Variants in TMPRSS11F observed in about 807,000 individuals in gnomAD.
The protein encoded by TMPRSS11F is transmembrane protease serine 11F.
Under a neutral mutation model 60.2 loss-of-function variants are expected in TMPRSS11F, and 47 were observed. The ratio of observed to expected loss-of-function variants is 0.78; its 90% CI spans 0.62 to 1.00. TMPRSS11F has a LOEUF of 1.00. TMPRSS11F is among the 50% of genes least tolerant of loss of function. TMPRSS11F has a pLI of 0.00. For missense variants in TMPRSS11F, 519 were observed against 522.9 expected (o/e 0.99, Z 0.07); for synonymous variants, 166 against 167.3 (o/e 0.99, Z 0.06).
intron 3 of TMPRSS11F, among the ~76,000 whole-genome samples, chr4:68,090,119 G>T (rs1189565255): frequency 6.6e-6 from 1 of 151,976 alleles, no homozygotes; most frequent in Non-Finnish European, 1.5e-5. Flanking sequence ...AAGAATTATA[G>T]CTATACCACG....
intron 3 of TMPRSS11F, among the ~76,000 whole-genome samples, chr4:68,090,234 G>T (rs190671653): frequency 6.6e-6 from 1 of 151,818 alleles, no homozygotes; most frequent in Admixed American, 6.6e-5. Flanking sequence ...AAAATGAATC[G>T]AAAACGATAA....
intron 2 of TMPRSS11F, among the ~76,000 whole-genome samples, chr4:68,094,359 T>C (rs1163318634): frequency 3.1e-5 from 4 of 127,948 alleles, no homozygotes; most frequent in Non-Finnish European, 6.4e-5. Context: ...TGAGAACACA[T>C]GGACACAAGA....
At chr4:68,116,403 T>TA (rs1175120427) in intron 1 of TMPRSS11F, among the ~76,000 whole-genome samples, 1 of 152,072 alleles carries the variant, frequency 6.6e-6, no homozygotes, top group Non-Finnish European at 1.5e-5. Context: ...TGAATATTGT[T>TA]AAAATGCCCA....
intron 5 of TMPRSS11F, 76 bp from the exon 6 acceptor site, chr4:68,070,083 T>C: frequency 2.4e-6 from 3 of 1,225,710 alleles, no homozygotes; most frequent in Non-Finnish European, 3.5e-6. Flanking sequence ...CAACTGGTCA[T>C]TAATAGAAAT....
chr4:68,109,234 T>C (rs551483242), intron 1 of TMPRSS11F, among the ~76,000 whole-genome samples: 2 of 152,060 alleles, frequency 1.3e-5, no homozygotes, highest in African/African-American at 4.8e-5. Context: ...TATTCTCTAG[T>C]GAACAAAAGA....
At chr4:68,057,262 G>C (rs1018008439) in intron 9 of TMPRSS11F, among the ~76,000 whole-genome samples, 31 of 143,876 alleles carry the variant, frequency 2.2e-4, no homozygotes, top group African/African-American at 8.0e-4. Flanking sequence ...TCCAGCCTGA[G>C]TGACAAAGCG....
At chr4:68,082,532 T>C (rs1032544450) in intron 3 of TMPRSS11F, among the ~76,000 whole-genome samples, 28 of 152,214 alleles carry the variant, frequency 1.8e-4, no homozygotes, top group African/African-American at 6.5e-4. Context: ...CTCCCAAGGA[T>C]GCTACCTGGC....
At position 68,059,242 on chromosome 4, in the gene TMPRSS11F, T is replaced by C. The variant is rs1457051387; in HGVS notation, c.1158+84A>G. 2.1e-6 allele frequency: 3 copies of C among 1,424,554 alleles called. No individual in the cohort carries two copies. The African/African-American group carries it at 4.3e-5, about 20-fold the overall frequency. The allele number at this position is 1,424,554 out of a possible 1,614,324, so 88.2% of individuals were successfully genotyped here. ...CGGTGTAAGAGATGCCATTTTTTTT[T>C]CTCCTAGGTAAAATATATGCCAAAC... On this transcript the variant is annotated intron_variant, in intron 9 of 9. Coordinates refer to ENST00000356291, the MANE Select transcript of TMPRSS11F (RefSeq NM_207407.2).
intron 1 of TMPRSS11F, among the ~76,000 whole-genome samples, chr4:68,126,820 G>A (rs904857874): frequency 1.3e-5 from 2 of 152,180 alleles, no homozygotes; most frequent in Admixed American, 1.3e-4. Flanking sequence ...CTGTACTTCA[G>A]GAACAATTAA....
At chr4:68,071,469 T>C (rs1194976069) in intron 5 of TMPRSS11F, among the ~76,000 whole-genome samples, 1 of 152,138 alleles carries the variant, frequency 6.6e-6, no homozygotes, top group Non-Finnish European at 1.5e-5. Context: ...AACTTGGAAA[T>C]ACATAACAAG....
chr4:68,079,079 A>T (rs1205622773), intron 3 of TMPRSS11F, among the ~76,000 whole-genome samples: 2 of 80,008 alleles, frequency 2.5e-5, no homozygotes, highest in East Asian at 7.1e-4. Context: ...GGTATAGTAC[A>T]ATACTGGTGT....
intron 2 of TMPRSS11F, among the ~76,000 whole-genome samples, chr4:68,097,785 G>GAAAATACTAAC: frequency 6.6e-6 from 1 of 151,686 alleles, no homozygotes; most frequent in African/African-American, 2.4e-5. Context: ...CTAACCCAAA[G>GAAAATACTAAC]AAAATACTAA....
chr4:68,083,617 T>C (rs1410467878), intron 3 of TMPRSS11F, among the ~76,000 whole-genome samples: 1 of 152,020 alleles, frequency 6.6e-6, no homozygotes, highest in Non-Finnish European at 1.5e-5. Flanking sequence ...CAACAGACTA[T>C]ACTCAACTTA....
intron 1 of TMPRSS11F, among the ~76,000 whole-genome samples, chr4:68,103,213 G>C (rs1442172216): frequency 2.6e-5 from 4 of 152,004 alleles, no homozygotes; most frequent in Non-Finnish European, 4.4e-5. Flanking sequence ...GGCCAAAGTG[G>C]GTGGATCACT....
At chr4:68,108,973 G>C (rs948572618) in intron 1 of TMPRSS11F, among the ~76,000 whole-genome samples, 7 of 152,088 alleles carry the variant, frequency 4.6e-5, no homozygotes, top group Non-Finnish European at 7.4e-5. Flanking sequence ...CACTTTATCA[G>C]AACACTACCA....
At chr4:68,119,830 A>C (rs746161943) in intron 1 of TMPRSS11F, among the ~76,000 whole-genome samples, 8 of 152,206 alleles carry the variant, frequency 5.3e-5, no homozygotes, top group Non-Finnish European at 1.2e-4. Flanking sequence ...ATGACTTTCA[A>C]GTACTGTTAT....
intron 3 of TMPRSS11F, among the ~76,000 whole-genome samples, chr4:68,086,436 A>G (rs1723814904): frequency 6.6e-6 from 1 of 152,194 alleles, no homozygotes; most frequent in Non-Finnish European, 1.5e-5. Flanking sequence ...AAGATCTAAA[A>G]TTAGCAATCT....
intron 8 of TMPRSS11F, chr4:68,062,942 C>T (rs560994709): frequency 6.4e-6 from 5 of 781,084 alleles, no homozygotes; most frequent in African/African-American, 1.7e-5. Flanking sequence ...ATAAAGCAGG[C>T]TAATGAGAAT....
At chr4:68,102,984 G>GT (rs55755444) in intron 1 of TMPRSS11F, among the ~76,000 whole-genome samples, 118,788 of 138,144 alleles carry the variant, frequency 0.86, 53,029 homozygotes, top group East Asian at 0.98. Context: ...ATTTTGAGTT[G>GT]TTTTTTTTTT....
Sources: gnomAD v4.1 joint callset for allele counts (sites outside exome capture counted in the v4.1 genomes callset) on GRCh38, gnomAD v4.1.1 for gene constraint, MANE v1.5 for transcripts, NCBI Gene and HGNC (gene_info 2026-07-23, HGNC 2026-07-21) for gene names.